Variants in TMEM132D observed in about 807,000 individuals in gnomAD.
TMEM132D encodes transmembrane protein 132D, also known as mature OL transmembrane protein.
Under a neutral mutation model 62.3 loss-of-function variants are expected in TMEM132D, and 21 were observed. That is an observed-to-expected ratio of 0.34 (90% CI 0.24 to 0.49). TMEM132D has a LOEUF of 0.49. Among genes scored for constraint, TMEM132D ranks in the 20% least tolerant of loss-of-function variants. The probability of loss-of-function intolerance (pLI) is 0.99; values close to 1 mark genes in which losing one functional copy is unlikely to be tolerated. For synonymous variants in TMEM132D, 621 were observed against 575.6 expected (o/e 1.08, Z -1.13); for missense variants, 1,346 against 1,402.8 (o/e 0.96, Z 0.65).
chr12:129,849,716 A>T (rs989395920), intron 1 of TMEM132D, among the ~76,000 whole-genome samples: 5 of 152,320 alleles, frequency 3.3e-5, no homozygotes, highest in African/African-American at 1.2e-4. Context: ...CTGCCAGGCA[A>T]CGCGGTAGCC....
At chr12:129,503,593 A>G (rs1875227816) in intron 3 of TMEM132D, among the ~76,000 whole-genome samples, 1 of 152,190 alleles carries the variant, frequency 6.6e-6, no homozygotes, top group Non-Finnish European at 1.5e-5. Context: ...TCATTTATAG[A>G]TTGCAAATCA....
chr12:129,310,631 C>G (rs1172559675), intron 4 of TMEM132D, among the ~76,000 whole-genome samples: 1 of 152,132 alleles, frequency 6.6e-6, no homozygotes, highest in Non-Finnish European at 1.5e-5. Flanking sequence ...GGAGAATGGG[C>G]CTTGGTAAGC....
At chr12:129,426,584 C>G (rs886312619) in intron 3 of TMEM132D, among the ~76,000 whole-genome samples, 3 of 152,328 alleles carry the variant, frequency 2.0e-5, no homozygotes, top group South Asian at 4.1e-4. Context: ...GCTGAGCACA[C>G]TCCCTCTCCA....
chr12:129,651,750 T>A (rs1232440325), intron 2 of TMEM132D, among the ~76,000 whole-genome samples: 1 of 152,204 alleles, frequency 6.6e-6, no homozygotes, highest in East Asian at 1.9e-4. Context: ...TTCCCTGCTA[T>A]CCTGTTCACC....
intron 3 of TMEM132D, among the ~76,000 whole-genome samples, chr12:129,376,167 G>C (rs1870774160): frequency 6.6e-6 from 1 of 152,090 alleles, no homozygotes; most frequent in African/African-American, 2.4e-5. Context: ...TTTTTAATAG[G>C]GTGGCCAGGA....
intron 3 of TMEM132D, among the ~76,000 whole-genome samples, chr12:129,489,432 G>A (rs946342945): frequency 6.6e-6 from 1 of 152,154 alleles, no homozygotes; most frequent in Non-Finnish European, 1.5e-5. Context: ...ACAAAACAAT[G>A]GTGTAAGCTT....
chr12:129,208,382 G>C (rs1878919722), intron 5 of TMEM132D, among the ~76,000 whole-genome samples: 1 of 152,196 alleles, frequency 6.6e-6, no homozygotes, highest in Non-Finnish European at 1.5e-5. Flanking sequence ...GTAGGTAGGA[G>C]TGCTGTATGA....
At chr12:129,568,413 C>A (rs998312859) in intron 2 of TMEM132D, among the ~76,000 whole-genome samples, 24 of 152,214 alleles carry the variant, frequency 1.6e-4, no homozygotes, top group African/African-American at 5.8e-4. Flanking sequence ...TTCTTGGGAG[C>A]AGACATACCC....
At chr12:129,749,989 G>A (rs1222533770) in intron 1 of TMEM132D, among the ~76,000 whole-genome samples, 1 of 152,206 alleles carries the variant, frequency 6.6e-6, no homozygotes, top group Non-Finnish European at 1.5e-5. Context: ...AGTGGGAGAA[G>A]ATGCATCCCA....
At chr12:129,186,326 GCCT>G (rs1035303918) in intron 5 of TMEM132D, among the ~76,000 whole-genome samples, 6 of 152,240 alleles carry the variant, frequency 3.9e-5, no homozygotes, top group African/African-American at 1.4e-4. Context: ...CCTCAGCTTT[GCCT>G]CCTTCTATGC....
At chr12:129,746,291 A>G (rs1379320803) in intron 1 of TMEM132D, among the ~76,000 whole-genome samples, 1 of 152,200 alleles carries the variant, frequency 6.6e-6, no homozygotes, top group Non-Finnish European at 1.5e-5. Flanking sequence ...ATGAAAAGTT[A>G]TCCAGGGATG....
At chr12:129,581,487 T>C (rs1877862214) in intron 2 of TMEM132D, among the ~76,000 whole-genome samples, 1 of 152,192 alleles carries the variant, frequency 6.6e-6, no homozygotes, top group Admixed American at 6.5e-5. Context: ...AAGCCGACAG[T>C]GCAGCCTTCA....
chr12:129,157,728 CTT>C lies in TMEM132D; in HGVS notation c.1443+51790_1443+51791del, dbSNP rs566042435. On this transcript the variant is annotated intron_variant, in intron 5 of 8. Transcript: ENST00000422113. ...TCTGGTCTTTGTAATGCCTACATAA[CTT>C]TAAAATAGTAATGATTATTAAGAAC... is the stretch of plus-strand genomic sequence containing the variant. Among the ~76,000 whole-genome samples the C allele has an allele frequency of 1.7e-3, 261 of 152,296 alleles. 1 individual carries two copies. The highest frequency in any genetic ancestry group is 3.5e-4 in the Non-Finnish European group (24 of 68,022).
intron 1 of TMEM132D, among the ~76,000 whole-genome samples, chr12:129,746,002 A>G (rs1869763505): frequency 6.6e-6 from 1 of 152,164 alleles, no homozygotes; most frequent in Admixed American, 6.5e-5. Flanking sequence ...GAAGGCTGAC[A>G]TTCATCCAGG....
At chr12:129,513,732 G>A (rs542208865) in intron 3 of TMEM132D, among the ~76,000 whole-genome samples, 36 of 151,294 alleles carry the variant, frequency 2.4e-4, no homozygotes, top group African/African-American at 4.6e-4. Context: ...TGATCCGCCC[G>A]TCTCAGCCTC....
intron 4 of TMEM132D, among the ~76,000 whole-genome samples, chr12:129,292,936 C>CT (rs1881484843): frequency 6.6e-6 from 1 of 152,118 alleles, no homozygotes; most frequent in African/African-American, 2.4e-5. Context: ...AGTCCTCAAA[C>CT]TAAAAGGGAG....
At chr12:129,209,775 T>C (rs1376115195) in intron 4 of TMEM132D, 112 bp from the exon 5 acceptor site, 4 of 1,456,070 alleles carry the variant, frequency 2.7e-6, no homozygotes, top group African/African-American at 1.4e-5. Flanking sequence ...TGGCCTCTTC[T>C]GCAGGCTCAG....
chr12:129,579,062 G>A (rs1038186134), intron 2 of TMEM132D, among the ~76,000 whole-genome samples: 25 of 152,168 alleles, frequency 1.6e-4, no homozygotes, highest in African/African-American at 4.8e-4. Context: ...AAAGTACTTG[G>A]TAGTAGGTGT....
chr12:129,268,138 T>C (rs989526848), intron 4 of TMEM132D, among the ~76,000 whole-genome samples: 68 of 152,158 alleles, frequency 4.5e-4, no homozygotes, highest in African/African-American at 1.6e-3. Context: ...GGACTTCAAG[T>C]CTAAAACACC....
Sources: gnomAD v4.1 joint callset for allele counts (sites outside exome capture counted in the v4.1 genomes callset) on GRCh38, gnomAD v4.1.1 for gene constraint, MANE v1.5 for transcripts, NCBI Gene and HGNC (gene_info 2026-07-23, HGNC 2026-07-21) for gene names.